FHIT: variants seen among roughly 807,000 people sequenced by gnomAD.
FHIT encodes the protein bis(5'-adenosyl)-triphosphatase.
In FHIT, 19 loss-of-function variants were observed where a neutral mutation model predicts 17.9. The ratio of observed to expected loss-of-function variants is 1.06; its 90% confidence interval spans 0.74 to 1.56. The LOEUF is 1.56. FHIT is among the 40% of genes most tolerant of loss of function. The probability of loss-of-function intolerance (pLI) is 0.00; values close to 1 mark genes in which losing one functional copy is unlikely to be tolerated. For synonymous variants in FHIT, 81 were observed against 69.7 expected, an observed-to-expected ratio of 1.16 and a Z score of -0.81; for missense variants, 248 against 189.2, an observed-to-expected ratio of 1.31 and a Z score of -1.82.
intron 8 of FHIT, among the ~76,000 whole-genome samples, chr3:59,898,843 G>A (rs1226187726): frequency 1.3e-5 from 2 of 152,090 alleles, no homozygotes; most frequent in Non-Finnish European, 2.9e-5. Context: ...ATAATGGCTG[G>A]TAGTATTTAT....
At chr3:59,888,336 T>C (rs2106994696) in intron 8 of FHIT, among the ~76,000 whole-genome samples, 1 of 152,320 alleles carries the variant, frequency 6.6e-6, no homozygotes. Flanking sequence ...AATTTTGTTC[T>C]AATAAGGAGA....
intron 8 of FHIT, among the ~76,000 whole-genome samples, chr3:59,797,204 T>TTC (rs1437356018): frequency 6.6e-6 from 1 of 151,586 alleles, no homozygotes; most frequent in African/African-American, 2.4e-5. Flanking sequence ...TTTTTTTTTT[T>TTC]GAGACAGAGT....
At chr3:59,929,775 G>C (rs1453509929) in intron 7 of FHIT, among the ~76,000 whole-genome samples, 2 of 151,704 alleles carry the variant, frequency 1.3e-5, no homozygotes, top group Non-Finnish European at 2.9e-5. Flanking sequence ...AAACACATAG[G>C]AGAAAATTTA....
intron 4 of FHIT, among the ~76,000 whole-genome samples, chr3:60,538,138 C>A (rs943751564): frequency 2.6e-5 from 4 of 152,120 alleles, no homozygotes; most frequent in African/African-American, 9.7e-5. Context: ...CACACTTATA[C>A]ACCAATAACA....
intron 3 of FHIT, among the ~76,000 whole-genome samples, chr3:60,926,676 C>G (rs1707633599): frequency 6.6e-6 from 1 of 152,122 alleles, no homozygotes; most frequent in Non-Finnish European, 1.5e-5. Flanking sequence ...CATTCAAAAG[C>G]TAGCAGAAGG....
chr3:61,026,712 G>T (rs756481258), intron 3 of FHIT, among the ~76,000 whole-genome samples: 46 of 152,052 alleles, frequency 3.0e-4, no homozygotes, highest in Non-Finnish European at 6.2e-4. Context: ...TGTGGCCCAA[G>T]ACAATTCTTC....
chr3:61,138,375 G>C (rs1412456173), intron 2 of FHIT, among the ~76,000 whole-genome samples: 2 of 152,220 alleles, frequency 1.3e-5, no homozygotes, highest in African/African-American at 4.8e-5. Flanking sequence ...GGGCTGAGCA[G>C]ACACCAGAAA....
intron 5 of FHIT, among the ~76,000 whole-genome samples, chr3:60,154,364 G>A (rs1018814200): frequency 6.6e-6 from 1 of 152,168 alleles, no homozygotes; most frequent in African/African-American, 2.4e-5. Context: ...GGTAGGGATG[G>A]CATCAGGCAT....
intron 4 of FHIT, among the ~76,000 whole-genome samples, chr3:60,793,595 G>T (rs978550403): frequency 1.3e-5 from 2 of 152,186 alleles, no homozygotes; most frequent in African/African-American, 4.8e-5. Flanking sequence ...GAGCCATAGC[G>T]CCCAGACAAA....
intron 3 of FHIT, among the ~76,000 whole-genome samples, chr3:61,014,870 G>C (rs921967291): frequency 7.5e-6 from 1 of 133,274 alleles, no homozygotes; most frequent in Non-Finnish European, 1.5e-5. Flanking sequence ...ATATATGCAT[G>C]TATATATGTG....
chr3:60,509,815 G>A (rs1327295318), intron 5 of FHIT, among the ~76,000 whole-genome samples: 11 of 152,096 alleles, frequency 7.2e-5, no homozygotes, highest in Admixed American at 7.2e-4. Context: ...TTAACGTTAT[G>A]GATATAGTCT....
At chr3:59,935,602 G>A (rs540096215) in intron 7 of FHIT, among the ~76,000 whole-genome samples, 1 of 152,140 alleles carries the variant, frequency 6.6e-6, no homozygotes, top group East Asian at 1.9e-4. Context: ...TAGGTTAGAA[G>A]ACATATTTTC....
In FHIT at chr3:59,838,747, T is replaced by C. The variant is rs1194725886; in HGVS notation, c.348+83599A>G. Among the ~76,000 whole-genome samples, 3 of 152,294 alleles carry C rather than the reference T, an allele frequency of 2.0e-5. No homozygotes were observed. In the East Asian group the frequency reaches 5.8e-4, roughly 29 times the overall value. On this transcript the variant is annotated intron_variant, in intron 8 of 9. Transcript: ENST00000492590. ...TGATAATGCTCTCTCTCCAAAGGGA[T>C]AGCATGAAACTCAAGCAAAAGTACT... is the stretch of plus-strand genomic sequence containing the variant.
At chr3:60,168,245 A>G (rs966272899) in intron 5 of FHIT, among the ~76,000 whole-genome samples, 2 of 152,220 alleles carry the variant, frequency 1.3e-5, no homozygotes. Context: ...TCATCCCTCC[A>G]GAGAGATATC....
At chr3:60,312,218 C>T (rs1373518936) in intron 5 of FHIT, among the ~76,000 whole-genome samples, 1 of 152,096 alleles carries the variant, frequency 6.6e-6, no homozygotes, top group East Asian at 1.9e-4. Flanking sequence ...TCACTATAAC[C>T]TCAAACACCT....
At chr3:59,889,218 G>A (rs1435596593) in intron 8 of FHIT, among the ~76,000 whole-genome samples, 1 of 152,170 alleles carries the variant, frequency 6.6e-6, no homozygotes, top group Non-Finnish European at 1.5e-5. Context: ...CTTGGGCACT[G>A]ACCAATAAAA....
At chr3:60,105,430 T>C (rs4679631) in intron 5 of FHIT, among the ~76,000 whole-genome samples, 144,111 of 152,284 alleles carry the variant, frequency 0.95, 68,273 homozygotes, top group African/African-American at 0.99. Flanking sequence ...AGAGAAACAC[T>C]TTTATTTCTT....
chr3:61,124,502 T>C (rs2036552889), intron 2 of FHIT, among the ~76,000 whole-genome samples: 2 of 152,052 alleles, frequency 1.3e-5, no homozygotes, highest in Admixed American at 1.3e-4. Flanking sequence ...CATATTCTCA[T>C]GGTGGCTGGT....
chr3:61,198,651 G>T (rs1000428194), intron 2 of FHIT, among the ~76,000 whole-genome samples: 4 of 152,024 alleles, frequency 2.6e-5, no homozygotes, highest in African/African-American at 7.2e-5. Flanking sequence ...AACCAAGGAA[G>T]GTAGTTTTCC....
Sources: gnomAD v4.1 joint callset for allele counts (sites outside exome capture counted in the v4.1 genomes callset) on GRCh38, gnomAD v4.1.1 for gene constraint, MANE v1.5 for transcripts, NCBI Gene and HGNC (gene_info 2026-07-23, HGNC 2026-07-21) for gene names.